Variants in PLCB4 observed in about 807,000 individuals in gnomAD.
The protein encoded by PLCB4 is 1-phosphatidylinositol 4,5-bisphosphate phosphodiesterase beta-4.
A neutral mutation model predicts 178.8 loss-of-function variants in PLCB4; 77 were observed. The ratio of observed to expected loss-of-function variants is 0.43; its 90% CI spans 0.36 to 0.52. The LOEUF (loss-of-function observed/expected upper bound fraction) is 0.52. Among genes scored for constraint, PLCB4 ranks in the 20% least tolerant of loss-of-function variants. PLCB4 has a pLI of 0.00. For missense variants in PLCB4, 1,024 were observed against 1,453.4 expected, an observed-to-expected ratio of 0.70 and a Z score of 4.80; for synonymous variants, 496 against 490.8, an observed-to-expected ratio of 1.01 and a Z score of -0.14.
intron 2 of PLCB4, among the ~76,000 whole-genome samples, chr20:9,177,808 C>G (rs1362021951): frequency 6.6e-6 from 1 of 152,156 alleles, no homozygotes; most frequent in African/African-American, 2.4e-5. Context: ...ATGTTTTAAA[C>G]TTTTACGTAT....
intron 18 of PLCB4, among the ~76,000 whole-genome samples, chr20:9,394,382 C>T (rs760542443): frequency 5.3e-5 from 8 of 152,022 alleles, no homozygotes; most frequent in Admixed American, 2.0e-4. Context: ...ATATTATACA[C>T]GTATTCATAT....
intron 2 of PLCB4, among the ~76,000 whole-genome samples, chr20:9,156,604 C>T (rs1350187473): frequency 2.0e-5 from 3 of 152,074 alleles, no homozygotes; most frequent in African/African-American, 7.2e-5. Flanking sequence ...GGGGCATTGA[C>T]TTAGGTTTTA....
At chr20:9,434,306 GAA>G (rs1239003750) in intron 28 of PLCB4, among the ~76,000 whole-genome samples, 2 of 152,188 alleles carry the variant, frequency 1.3e-5, no homozygotes, top group Non-Finnish European at 2.9e-5. Flanking sequence ...TGGCAGGAGA[GAA>G]AGTTTTCACT....
intron 3 of PLCB4, among the ~76,000 whole-genome samples, chr20:9,260,016 G>A (rs1189279127): frequency 6.6e-6 from 1 of 151,976 alleles, no homozygotes; most frequent in Non-Finnish European, 1.5e-5. Flanking sequence ...GAGATTTGGA[G>A]GTACATTTGA....
chr20:9,213,128 CTTTTTTT>C (rs56785951), intron 2 of PLCB4, among the ~76,000 whole-genome samples: 5 of 35,728 alleles, frequency 1.4e-4, no homozygotes, highest in African/African-American at 2.5e-4. Context: ...CGTTAGCATA[CTTTTTTT>C]TTTTTTTTTT....
intron 2 of PLCB4, among the ~76,000 whole-genome samples, chr20:9,102,535 A>T (rs991468846): frequency 4.6e-5 from 7 of 152,148 alleles, no homozygotes; most frequent in Non-Finnish European, 7.4e-5. Flanking sequence ...AACTAATAAC[A>T]TTTTCTTCTT....
intron 2 of PLCB4, among the ~76,000 whole-genome samples, chr20:9,146,018 G>A (rs2092592181): frequency 6.6e-6 from 1 of 152,120 alleles, no homozygotes; most frequent in Non-Finnish European, 1.5e-5. Context: ...CATATTTTAT[G>A]TGAGGGTTGT....
intron 2 of PLCB4, among the ~76,000 whole-genome samples, chr20:9,123,552 G>A (rs1288228282): frequency 6.6e-6 from 1 of 151,328 alleles, no homozygotes; most frequent in South Asian, 2.1e-4. Context: ...ATACCTGCTT[G>A]CTGGGATAAA....
intron 25 of PLCB4, 29 bp downstream of exon 25, chr20:9,411,117 C>T (rs1298433338): frequency 8.6e-6 from 13 of 1,504,206 alleles, no homozygotes; most frequent in Non-Finnish European, 1.2e-5. Context: ...ACTGTTTTCA[C>T]CTAGATTGAG....
chr20:9,102,078 C>T (rs1462504639), intron 2 of PLCB4, among the ~76,000 whole-genome samples: 3 of 152,128 alleles, frequency 2.0e-5, no homozygotes, highest in Admixed American at 2.0e-4. Context: ...CTCCTGACCT[C>T]AGGTCATCTG....
intron 2 of PLCB4, among the ~76,000 whole-genome samples, chr20:9,160,103 G>T (rs1242657243): frequency 1.3e-5 from 2 of 152,176 alleles, no homozygotes; most frequent in East Asian, 3.9e-4. Flanking sequence ...GGGTGAGCTG[G>T]ATCCAACTCC....
intron 2 of PLCB4, among the ~76,000 whole-genome samples, chr20:9,118,372 A>G (rs2091853435): frequency 6.6e-6 from 1 of 151,866 alleles, no homozygotes; most frequent in African/African-American, 2.4e-5. Context: ...TCTTCTATAA[A>G]CAAAGAATTT....
chr20:9,416,566 T>C (rs2040262883), intron 25 of PLCB4, among the ~76,000 whole-genome samples: 1 of 152,162 alleles, frequency 6.6e-6, no homozygotes, highest in South Asian at 2.1e-4. Context: ...GATGCAGGCG[T>C]AGTATTGTAG....
At chr20:9,255,042 A>G (rs780536571) in intron 3 of PLCB4, among the ~76,000 whole-genome samples, 5 of 152,234 alleles carry the variant, frequency 3.3e-5, no homozygotes, top group Non-Finnish European at 5.9e-5. Flanking sequence ...ATAAATACAC[A>G]TATCTAGTAA....
chr20:9,075,871 G>A (rs967524803), intron 1 of PLCB4, among the ~76,000 whole-genome samples: 22 of 152,296 alleles, frequency 1.4e-4, no homozygotes, highest in Admixed American at 2.6e-4. Flanking sequence ...GCCAAACAAA[G>A]CATGTTTGTG....
intron 1 of PLCB4, among the ~76,000 whole-genome samples, chr20:9,086,788 T>C (rs1352376714): frequency 6.6e-6 from 1 of 152,188 alleles, no homozygotes; most frequent in Non-Finnish European, 1.5e-5. Context: ...AAAAGGAAAT[T>C]GGGAGAAGTG....
intron 3 of PLCB4, among the ~76,000 whole-genome samples, chr20:9,250,360 C>T (rs1055592689): frequency 1.3e-5 from 2 of 152,222 alleles, no homozygotes; most frequent in Non-Finnish European, 2.9e-5. Flanking sequence ...AGCATTAAAA[C>T]ACTTCTAAAC....
chr20:9,206,495 A>C (rs1568948667), intron 2 of PLCB4, among the ~76,000 whole-genome samples: 1 of 152,004 alleles, frequency 6.6e-6, no homozygotes, highest in Non-Finnish European at 1.5e-5. Flanking sequence ...GGAGCTCCAG[A>C]AACTTTTTTC....
chr20:9,268,885 G>A (rs2094375341), intron 3 of PLCB4, among the ~76,000 whole-genome samples: 1 of 152,254 alleles, frequency 6.6e-6, no homozygotes, highest in Admixed American at 6.5e-5. Context: ...GGTATTTTTA[G>A]CTACACATCC....
Sources: allele counts gnomAD v4.1 joint callset (sites outside exome capture counted in the v4.1 genomes callset), GRCh38; gene constraint gnomAD v4.1.1; transcripts MANE v1.5; gene names NCBI Gene and HGNC (gene_info 2026-07-23, HGNC 2026-07-21).